GIT2: variants seen among roughly 807,000 people sequenced by gnomAD.
The protein encoded by GIT2 is GIT ArfGAP 2.
A neutral mutation model predicts 100.3 loss-of-function variants in GIT2; 32 were observed. The ratio of observed to expected loss-of-function variants is 0.32; its 90% CI spans 0.24 to 0.43. The LOEUF is 0.43. Ranked by LOEUF, GIT2 falls within the 20% of genes least tolerant of loss-of-function variation. GIT2 has a pLI of 1.00. For synonymous variants in GIT2, 353 were observed against 364.1 expected (o/e 0.97, Z 0.35); for missense variants, 737 against 975.1 (o/e 0.76, Z 3.25).
rs1469314576 is a variant in GIT2, at chr12:109,968,066, C to A, written c.719-563G>T. ...ATGTAGGTTTTTCTTTAACATAAGT[C>A]TATCTTTCTTCTGGGTAAAGACCCA... is the stretch of plus-strand genomic sequence containing the variant. On this transcript the variant is annotated intron_variant, in intron 7 of 19. Transcript: ENST00000355312. Among the ~76,000 whole-genome samples the A allele has an allele frequency of 2.6e-5, 4 of 152,182 alleles. No individual in the cohort carries two copies. The South Asian group carries it at 8.3e-4, about 31-fold the overall frequency.
At chr12:109,986,358 G>A (rs769695427) in intron 4 of GIT2, among the ~76,000 whole-genome samples, 10 of 152,184 alleles carry the variant, frequency 6.6e-5, no homozygotes, top group Non-Finnish European at 1.3e-4. Flanking sequence ...ATGGCTGGGC[G>A]CAGTGGCTCA....
intron 10 of GIT2, 90 bp downstream of exon 10, chr12:109,961,523 C>G: frequency 1.0e-6 from 1 of 965,848 alleles, no homozygotes; most frequent in South Asian, 1.3e-5. Context: ...ATCAGGACAG[C>G]AGAAATTGGA....
At chr12:109,985,002 T>C (rs1427260251) in intron 4 of GIT2, among the ~76,000 whole-genome samples, 1 of 152,222 alleles carries the variant, frequency 6.6e-6, no homozygotes, top group Non-Finnish European at 1.5e-5. Flanking sequence ...TCTGTACTAC[T>C]GCAGAAAAGC....
Position 109,947,680 on chromosome 12 carries a change from C to T in GIT2, c.1393-176G>A. On this transcript the variant is annotated intron_variant, in intron 14 of 19. Coordinates refer to ENST00000355312, the MANE Select transcript of GIT2 (RefSeq NM_057169.5). The surrounding 1 kb of genome is among the most constrained non-coding windows in gnomAD (Gnocchi z 4.3). The stretch of plus-strand genomic sequence containing the variant: ...CCTTTCTTCTGGATTGGGTGAAACA[C>T]AATCAACTCCCTTCATCACGTAAGC... 3.4e-6 allele frequency: 2 copies of T among 589,818 alleles called. No individual in the cohort carries two copies. Among genetic ancestry groups the T allele is most frequent in the Non-Finnish European group, 6.0e-6 (2 of 334,464 alleles). 36.5% of individuals were successfully genotyped at this position (589,818 alleles called of 1,614,324 possible). A position where few individuals can be genotyped will look rare whatever the true frequency, so the allele number is the denominator to read the frequency against.
At chr12:109,976,105 T>C (rs997285916) in intron 7 of GIT2, among the ~76,000 whole-genome samples, 1 of 149,018 alleles carries the variant, frequency 6.7e-6, no homozygotes, top group Non-Finnish European at 1.5e-5. Context: ...GAAATTACTA[T>C]ACACACACAC....
chr12:109,962,329 G>A lies in GIT2; in HGVS notation c.817-644C>T, dbSNP rs548174174. On this transcript the variant is annotated intron_variant, in intron 9 of 19. Transcript: ENST00000355312. The surrounding 1 kb of genome is among the most constrained non-coding windows in gnomAD (Gnocchi z 4.3). ...GATCACACCACTGCACTCCAGGCTG[G>A]GTGACAGAGTGAGACCCTATCTCAA... Among the ~76,000 whole-genome samples, 141 of 151,908 alleles carry A rather than the reference G, an allele frequency of 9.3e-4. 1 individual carries two copies. Among genetic ancestry groups the A allele is most frequent in the Middle Eastern group, 3.4e-3 (1 of 294 alleles).
At chr12:109,953,057 G>A (rs372194046) in intron 13 of GIT2, 35 bp downstream of exon 13, 7 of 1,611,350 alleles carry the variant, frequency 4.3e-6, no homozygotes, top group East Asian at 2.2e-5. Flanking sequence ...CAGCTGATGC[G>A]TGCTTGCCCT....
At chr12:109,991,316 A>C (rs1197366428) in intron 2 of GIT2, among the ~76,000 whole-genome samples, 3 of 152,114 alleles carry the variant, frequency 2.0e-5, no homozygotes, top group African/African-American at 7.2e-5. Context: ...TCTCAAAAAA[A>C]AAAAAAAAAC....
intron 18 of GIT2, among the ~76,000 whole-genome samples, chr12:109,935,090 A>G (rs1872626039): frequency 1.3e-5 from 2 of 152,062 alleles, no homozygotes; most frequent in African/African-American, 4.8e-5. Context: ...AAAAAAAAAA[A>G]GACTGCCTAC....
intron 3 of GIT2, among the ~76,000 whole-genome samples, chr12:109,989,285 T>C (rs150555105): frequency 6.6e-6 from 1 of 152,354 alleles, no homozygotes; most frequent in African/African-American, 2.4e-5. Context: ...CTTTTTATAG[T>C]AGCCCTCTTC....
chr12:109,966,511 A>AC (rs1258239585), intron 8 of GIT2, among the ~76,000 whole-genome samples: 2 of 147,796 alleles, frequency 1.4e-5, no homozygotes. Context: ...TCTGTCTCAA[A>AC]AAAAAAAAAA....
At chr12:109,951,805 T>C (rs1877939329) in intron 13 of GIT2, among the ~76,000 whole-genome samples, 1 of 152,134 alleles carries the variant, frequency 6.6e-6, no homozygotes, top group African/African-American at 2.4e-5. Flanking sequence ...TGGGAAAAGA[T>C]AAGACAGAGC....
At chr12:109,985,858 A>G (rs1390005172) in intron 4 of GIT2, among the ~76,000 whole-genome samples, 1 of 131,142 alleles carries the variant, frequency 7.6e-6, no homozygotes, top group Non-Finnish European at 1.5e-5. Context: ...AAAAAAAACA[A>G]AAACAAAACA....
At chr12:109,988,573 G>GT (rs1387073228) in intron 4 of GIT2, among the ~76,000 whole-genome samples, 1 of 151,894 alleles carries the variant, frequency 6.6e-6, no homozygotes, top group Non-Finnish European at 1.5e-5. Context: ...AAAAAACCCT[G>GT]GCCGGGTGCA....
At chr12:109,968,431 T>G (rs1422896619) in intron 7 of GIT2, among the ~76,000 whole-genome samples, 1 of 152,186 alleles carries the variant, frequency 6.6e-6, no homozygotes, top group Non-Finnish European at 1.5e-5. Context: ...ATTAACTTAT[T>G]TATTTATTTG....
chr12:109,958,135 G>A (rs758217903), intron 12 of GIT2, among the ~76,000 whole-genome samples: 57 of 150,250 alleles, frequency 3.8e-4, no homozygotes, highest in Non-Finnish European at 6.7e-4. Context: ...TAGTAGAGAC[G>A]GGGTTTCACC....
At chr12:109,995,020 A>G (rs1889084471) in intron 1 of GIT2, among the ~76,000 whole-genome samples, 1 of 152,234 alleles carries the variant, frequency 6.6e-6, no homozygotes, top group Non-Finnish European at 1.5e-5. Flanking sequence ...ATTGGTCTCC[A>G]CTTCCAAATG....
intron 1 of GIT2, among the ~76,000 whole-genome samples, chr12:109,995,799 A>G (rs1016961091): frequency 1.3e-5 from 2 of 152,164 alleles, no homozygotes; most frequent in Non-Finnish European, 2.9e-5. Flanking sequence ...GTGGGAGGTG[A>G]CACCTGCAGC....
At chr12:109,938,823 GTGTT>G (rs1873778073) in intron 17 of GIT2, 3 of 514,058 alleles carry the variant, frequency 5.8e-6, no homozygotes, top group Non-Finnish European at 1.0e-5. Flanking sequence ...AGCGGGGAGG[GTGTT>G]TGTTTATAAA....
Sources: allele counts gnomAD v4.1 joint callset (sites outside exome capture counted in the v4.1 genomes callset), GRCh38; gene constraint gnomAD v4.1.1; non-coding constraint Gnocchi (gnomAD v3.1); transcripts MANE v1.5; gene names NCBI Gene and HGNC (gene_info 2026-07-23, HGNC 2026-07-21).